NEK6: variants seen among roughly 807,000 people sequenced by gnomAD.
NEK6 encodes NIMA related kinase 6.
A neutral mutation model predicts 43.5 loss-of-function variants in NEK6; 27 were observed. The ratio of observed to expected loss-of-function variants is 0.62; its 90% CI spans 0.46 to 0.86. The LOEUF is 0.86. Ranked by LOEUF, NEK6 falls within the 40% of genes least tolerant of loss-of-function variation. NEK6 has a pLI of 0.00. For synonymous variants in NEK6, 167 were observed against 164.1 expected (o/e 1.02, Z -0.14); for missense variants, 318 against 414.4 (o/e 0.77, Z 2.02).
intron 1 of NEK6, among the ~76,000 whole-genome samples, chr9:124,299,027 G>T (rs1832831977): frequency 6.6e-6 from 1 of 152,246 alleles, no homozygotes; most frequent in Non-Finnish European, 1.5e-5. Context: ...TCAGCGCCAC[G>T]TGGGGAGGGC....
intron 1 of NEK6, among the ~76,000 whole-genome samples, chr9:124,260,341 C>T (rs1330967334): frequency 6.6e-6 from 1 of 152,188 alleles, no homozygotes; most frequent in Non-Finnish European, 1.5e-5. Context: ...ACATGACTTG[C>T]ATAATTTCAT....
chr9:124,331,507 A>G (rs1828998241), intron 7 of NEK6, among the ~76,000 whole-genome samples: 1 of 152,052 alleles, frequency 6.6e-6, no homozygotes, highest in Admixed American at 6.5e-5. Context: ...TGCCCAGGGA[A>G]GGGGTCGAGA....
intron 1 of NEK6, chr9:124,286,376 C>G (rs1832160594): frequency 6.6e-6 from 1 of 152,208 alleles, no homozygotes. Flanking sequence ...CCTCAGGTTC[C>G]CCGGCTGTGA....
chr9:124,277,628 G>T (rs1338901815), intron 1 of NEK6, among the ~76,000 whole-genome samples: 1 of 152,182 alleles, frequency 6.6e-6, no homozygotes, highest in Non-Finnish European at 1.5e-5. Flanking sequence ...AATCTGTGAC[G>T]CTCCCAGCAC....
At chr9:124,258,214 G>A in intron 1 of NEK6, 129 bp downstream of exon 1, 4 of 978,020 alleles carry the variant, frequency 4.1e-6, no homozygotes, top group Non-Finnish European at 4.8e-6. Context: ...CCGCGGGGGA[G>A]AGCGGGAGGC....
chr9:124,310,952 C>T (rs1208696791), intron 2 of NEK6, among the ~76,000 whole-genome samples: 2 of 152,202 alleles, frequency 1.3e-5, no homozygotes, highest in Non-Finnish European at 2.9e-5. Context: ...TTCATTAAGT[C>T]ATGATTCAGG....
chr9:124,275,316 T>G lies in NEK6; in HGVS notation c.-30+17231T>G, dbSNP rs1831609389. Among the ~76,000 whole-genome samples, 1 of 152,214 alleles carries G rather than the reference T, an allele frequency of 6.6e-6. No individual in the cohort carries two copies. The highest frequency in any genetic ancestry group is 6.5e-5 in the Admixed American group (1 of 15,286). On this transcript the variant is annotated intron_variant, in intron 1 of 9. Coordinates refer to ENST00000320246, the MANE Select transcript of NEK6 (RefSeq NM_014397.6). This position sits in a 1 kb window ranked among gnomAD's most constrained non-coding sequence, Gnocchi z 4.4. ...CACTAACTTGCCGGATGTCTTTGAGTCATGGTTTCACCTGCCTGAGCCTCG... is the reference window on the plus strand; with the variant it reads ...CACTAACTTGCCGGATGTCTTTGAGGCATGGTTTCACCTGCCTGAGCCTCG...
At chr9:124,345,840 GC>G (rs2131086295) in intron 8 of NEK6, among the ~76,000 whole-genome samples, 1 of 152,320 alleles carries the variant, frequency 6.6e-6, no homozygotes, top group South Asian at 2.1e-4. Context: ...CTTTGAAAAT[GC>G]CCGATTAACC....
intron 1 of NEK6, among the ~76,000 whole-genome samples, chr9:124,281,006 G>A (rs1201729692): frequency 6.6e-6 from 1 of 152,130 alleles, no homozygotes; most frequent in Non-Finnish European, 1.5e-5. Flanking sequence ...GGCCAGGCTG[G>A]TCTCGAACTC....
rs553227804 is a variant in NEK6 at position 124,294,712 on chromosome 9, G to A, written c.-29-7224G>A. ...GGGGATGTTGGGGGCAAATGCATGA[G>A]GGCAGGCTCGTGTCAGGTGGTCAGG... On this transcript the variant is annotated intron_variant, in intron 1 of 9. Coordinates refer to ENST00000320246, the MANE Select transcript of NEK6 (RefSeq NM_014397.6). Among the ~76,000 whole-genome samples the A allele has an allele frequency of 2.6e-5, 4 of 152,294 alleles. No individual in the cohort carries two copies. In the South Asian group the frequency reaches 8.3e-4, roughly 32 times the overall value.
At chr9:124,292,558 C>G in intron 1 of NEK6, 1 of 1,536,854 alleles carries the variant, frequency 6.5e-7, no homozygotes, top group Non-Finnish European at 8.7e-7. Context: ...TTTACAAACA[C>G]CGAAGCCCTC....
At chr9:124,262,221 T>G (rs1236899899) in intron 1 of NEK6, among the ~76,000 whole-genome samples, 1 of 152,104 alleles carries the variant, frequency 6.6e-6, no homozygotes, top group African/African-American at 2.4e-5. Flanking sequence ...AATGTTAGTT[T>G]AAAAAGAAAA....
In NEK6 at chr9:124,324,164, G is replaced by A. The variant is rs1283771239; in HGVS notation, c.406-2166G>A. ...GCAGAGACCCACTCGAGTAAGACACGTCCCCTGGATGGCCTCAGGCGGGTC... is the reference window on the plus strand; with the variant it reads ...GCAGAGACCCACTCGAGTAAGACACATCCCCTGGATGGCCTCAGGCGGGTC... On this transcript the variant is annotated intron_variant, in intron 5 of 9. Coordinates refer to ENST00000320246, the MANE Select transcript of NEK6 (RefSeq NM_014397.6). This position sits in a 1 kb window ranked among gnomAD's most constrained non-coding sequence, Gnocchi z 5.3. Among the ~76,000 whole-genome samples the A allele has an allele frequency of 6.6e-6, 1 of 152,206 alleles. No individual in the cohort carries two copies. The highest frequency in any genetic ancestry group is 1.9e-4 in the East Asian group (1 of 5,188).
chr9:124,320,447 TCTC>T (rs534460195), intron 4 of NEK6, among the ~76,000 whole-genome samples: 174 of 152,298 alleles, frequency 1.1e-3, no homozygotes, highest in East Asian at 6.6e-3. Context: ...AGTGCATCCT[TCTC>T]CCAACGACTT....
intron 4 of NEK6, among the ~76,000 whole-genome samples, chr9:124,316,466 C>T (rs1224750002): frequency 1.3e-5 from 2 of 152,210 alleles, no homozygotes; most frequent in African/African-American, 4.8e-5. Flanking sequence ...CCCTTACTCT[C>T]AGCTCTCCCT....
chr9:124,322,801 C>T (rs982383251), intron 5 of NEK6, among the ~76,000 whole-genome samples: 1 of 152,268 alleles, frequency 6.6e-6, no homozygotes, highest in Non-Finnish European at 1.5e-5. Flanking sequence ...CCATCAGGCA[C>T]TGGGGATTGA....
At chr9:124,300,919 G>A (rs942155137) in intron 1 of NEK6, among the ~76,000 whole-genome samples, 3 of 152,294 alleles carry the variant, frequency 2.0e-5, no homozygotes, top group Non-Finnish European at 2.9e-5. Flanking sequence ...GGTGCCCCTC[G>A]GGACATCCAG....
chr9:124,314,291 T>A (rs1833704258), intron 4 of NEK6, among the ~76,000 whole-genome samples: 1 of 152,172 alleles, frequency 6.6e-6, no homozygotes, highest in South Asian at 2.1e-4. Flanking sequence ...AGGGCAGCCC[T>A]GACCCTGCCT....
chr9:124,323,702 C>G (rs939078712), intron 5 of NEK6, among the ~76,000 whole-genome samples: 8 of 152,118 alleles, frequency 5.3e-5, no homozygotes, highest in African/African-American at 1.7e-4. Flanking sequence ...CAGTTTCCAC[C>G]CTGTCCCCGG....
Sources: gnomAD v4.1 joint callset for allele counts (sites outside exome capture counted in the v4.1 genomes callset) on GRCh38, gnomAD v4.1.1 for gene constraint, Gnocchi (gnomAD v3.1) non-coding constraint, MANE v1.5 for transcripts, NCBI Gene and HGNC (gene_info 2026-07-23, HGNC 2026-07-21) for gene names.